The following C1orf141 variants were observed in gnomAD, a reference collection of about 807,000 sequenced individuals.
C1orf141 encodes uncharacterized protein C1orf141.
In C1orf141, 19 loss-of-function variants were observed where a neutral mutation model predicts 23.2. The observed-to-expected ratio is 0.82, with a 90% CI of 0.57 to 1.20. The LOEUF (loss-of-function observed/expected upper bound fraction) is 1.20. Ranked by LOEUF, C1orf141 falls within the 50% of genes most tolerant of loss-of-function variation. C1orf141 has a pLI of 0.00. For missense variants in C1orf141, 469 were observed against 455.1 expected, an observed-to-expected ratio of 1.03 and a Z score of -0.28; for synonymous variants, 153 against 154.6, an observed-to-expected ratio of 0.99 and a Z score of 0.08.
In C1orf141 at chr1:67,095,805, T is replaced by C. The variant is rs187426861; in HGVS notation, c.417-384A>G. On this transcript the variant is annotated intron_variant, in intron 6 of 7. Coordinates refer to ENST00000684719, the MANE Select transcript of C1orf141 (RefSeq NM_001276351.2). The stretch of plus-strand genomic sequence containing the variant: ...GCTTTGTTAAGAGGATAGAATAGTG[T>C]GGTCAGGCAGAGACAGGATATAATT... 204 of 188,318 alleles carry C rather than the reference T, an allele frequency of 1.1e-3. No individual in the cohort carries two copies. In the Admixed American group the frequency reaches 0.011, roughly 10 times the overall value. 11.7% of individuals were successfully genotyped at this position (188,318 alleles called of 1,614,324 possible). A position where few individuals can be genotyped will look rare whatever the true frequency, so the allele number is the denominator to read the frequency against.
intron 4 of C1orf141, among the ~76,000 whole-genome samples, chr1:67,117,876 A>G (rs1646226759): frequency 6.6e-6 from 1 of 152,236 alleles, no homozygotes. Flanking sequence ...CTTACTTTGC[A>G]TCTTGACTCT....
intron 7 of C1orf141, chr1:67,094,101 T>C (rs1374346118): frequency 6.6e-6 from 1 of 152,428 alleles, no homozygotes; most frequent in Non-Finnish European, 1.5e-5. Flanking sequence ...GTTATTATTG[T>C]ACCCTAATAC....
At position 67,096,294 on chromosome 1, in the gene C1orf141, G is replaced by T; in HGVS notation, c.374C>A (p.Pro125Gln). The T allele has an allele frequency of 6.5e-7, 1 of 1,528,848 alleles. No individual in the cohort carries two copies. The highest frequency in any genetic ancestry group is 1.4e-5 in the African/African-American group (1 of 71,502). 94.7% of individuals were successfully genotyped at this position (1,528,848 alleles called of 1,614,324 possible). A position where few individuals can be genotyped will look rare whatever the true frequency, so the allele number is the denominator to read the frequency against. Residue 125 changes from proline to glutamine, a missense_variant, in exon 6 of 8, where the codon CCA (proline) becomes CAA (glutamine). Physicochemically the swap from Pro to Gln is moderately conservative, Grantham distance 76. This residue lies in a region of C1orf141 where 370 missense variants were observed against 348.1 expected (regional missense o/e 1.06). Coordinates refer to ENST00000684719, the MANE Select transcript of C1orf141 (RefSeq NM_001276351.2). ...TAQIEKKPRK[P>Q]LDSVGLLEGD... ...TTCTAAGAGACCAACAGAATCCAAT[G>T]GTTTCCTAGGTTTTTTTTCAATTTG...
At chr1:67,106,171 T>G (rs1292741046) in intron 5 of C1orf141, among the ~76,000 whole-genome samples, 1 of 152,202 alleles carries the variant, frequency 6.6e-6, no homozygotes, top group South Asian at 2.1e-4. Context: ...CAATAATTTT[T>G]GTAGGACAAG....
chr1:67,095,794 A>T (rs1318400583), intron 6 of C1orf141: 1 of 194,426 alleles, frequency 5.1e-6, no homozygotes. Flanking sequence ...TGTTAAGAGG[A>T]TAGAATAGTG....
chr1:67,137,317 C>G (rs1385445856), upstream of C1orf141, among the ~76,000 whole-genome samples: 1 of 152,196 alleles, frequency 6.6e-6, no homozygotes, highest in East Asian at 1.9e-4. Flanking sequence ...AGGGCAGAGT[C>G]AGTCCCGAAA....
chr1:67,102,307 CGTGTGT>C (rs57508145), intron 5 of C1orf141, among the ~76,000 whole-genome samples: 2,959 of 139,234 alleles, frequency 0.021, 43 homozygotes, highest in East Asian at 0.063. Flanking sequence ...TCTTCTGCTC[CGTGTGT>C]GTGTGTGTGT....
chr1:67,098,474 C>T (rs894128525), intron 5 of C1orf141, among the ~76,000 whole-genome samples: 2 of 151,876 alleles, frequency 1.3e-5, no homozygotes, highest in African/African-American at 4.8e-5. Context: ...GAGTGGAGAT[C>T]GTGCCACCAC....
intron 1 of C1orf141, among the ~76,000 whole-genome samples, chr1:67,140,064 A>T (rs1443368218): frequency 6.6e-6 from 1 of 152,176 alleles, no homozygotes; most frequent in East Asian, 1.9e-4. Flanking sequence ...GAAGTCCCTC[A>T]CCAGATGTGG....
chr1:67,102,402 C>A (rs1259928599), intron 5 of C1orf141, among the ~76,000 whole-genome samples: 1 of 151,078 alleles, frequency 6.6e-6, no homozygotes, highest in Admixed American at 6.6e-5. Flanking sequence ...AAAAAGTGAT[C>A]TAAGCCAATG....
intron 1 of C1orf141, among the ~76,000 whole-genome samples, chr1:67,134,101 T>G (rs1170205788): frequency 2.0e-5 from 3 of 152,186 alleles, no homozygotes; most frequent in Non-Finnish European, 4.4e-5. Flanking sequence ...CCTCCCAGGT[T>G]CAAGCGATTC....
upstream of C1orf141, among the ~76,000 whole-genome samples, chr1:67,135,476 C>G (rs547246508): frequency 6.6e-6 from 1 of 152,294 alleles, no homozygotes; most frequent in South Asian, 2.1e-4. Context: ...CACTGTATTA[C>G]GCAAGTTGTG....
At chr1:67,126,319 G>A (rs934213257) in intron 3 of C1orf141, among the ~76,000 whole-genome samples, 2 of 152,138 alleles carry the variant, frequency 1.3e-5, no homozygotes, top group Admixed American at 6.5e-5. Context: ...TCCTCTAGTC[G>A]TGAGAGCCAG....
intron 5 of C1orf141, among the ~76,000 whole-genome samples, chr1:67,104,293 C>A (rs1349375534): frequency 6.6e-6 from 1 of 152,050 alleles, no homozygotes; most frequent in Admixed American, 6.6e-5. Flanking sequence ...GAGGGCATTG[C>A]AGGCGAGGTC....
chr1:67,101,899 G>C (rs1645808866), intron 5 of C1orf141, among the ~76,000 whole-genome samples: 1 of 152,146 alleles, frequency 6.6e-6, no homozygotes, highest in South Asian at 2.1e-4. Flanking sequence ...CTTCAGAGAA[G>C]ATGTGGCATC....
chr1:67,102,865 T>C (rs1283230279), intron 5 of C1orf141: 2 of 153,932 alleles, frequency 1.3e-5, no homozygotes, highest in African/African-American at 2.4e-5. Flanking sequence ...GTTTTTTTTT[T>C]AGATAATAAA....
At position 67,132,486 on chromosome 1, in the gene C1orf141, G is replaced by A. The variant is rs973357448; in HGVS notation, c.-103-1259C>T. ...TGCAGTGAGGTGTGATCGTGCCACT[G>A]CACTCCAGCCTGGGTGACGAGCGAG... On this transcript the variant is annotated intron_variant, in intron 1 of 7. Coordinates refer to ENST00000684719, the MANE Select transcript of C1orf141 (RefSeq NM_001276351.2). Among the ~76,000 whole-genome samples, 3 of 151,952 alleles carry A rather than the reference G, an allele frequency of 2.0e-5. No individual in the cohort carries two copies. The East Asian group carries it at 5.8e-4, about 29-fold the overall frequency.
upstream of C1orf141, among the ~76,000 whole-genome samples, chr1:67,136,622 C>G (rs1177962309): frequency 6.6e-6 from 1 of 152,154 alleles, no homozygotes; most frequent in Admixed American, 6.5e-5. Flanking sequence ...ATTTATGGAA[C>G]ACGTTCTGCA....
intron 1 of C1orf141, among the ~76,000 whole-genome samples, chr1:67,134,128 C>G (rs921415629): frequency 3.3e-5 from 5 of 152,174 alleles, no homozygotes; most frequent in Admixed American, 6.5e-5. Flanking sequence ...CTCAGCCTCC[C>G]CAGTAGGTGG....
Sources: gnomAD v4.1 joint callset for allele counts (sites outside exome capture counted in the v4.1 genomes callset) on GRCh38, gnomAD v4.1.1 for gene constraint, gnomAD v4.1.1 regional missense constraint, MANE v1.5 for transcripts, NCBI Gene and HGNC (gene_info 2026-07-23, HGNC 2026-07-21) for gene names.